Variants in QPRT observed in about 807,000 individuals in gnomAD.
QPRT encodes quinolinate phosphoribosyltransferase.
A neutral mutation model predicts 19.8 loss-of-function variants in QPRT; 17 were observed. The ratio of observed to expected loss-of-function variants is 0.86; its 90% confidence interval spans 0.59 to 1.29. The LOEUF is 1.29. Among genes scored for constraint, QPRT ranks in the 50% most tolerant of loss-of-function variants. The probability of loss-of-function intolerance (pLI) is 0.00; values close to 1 mark genes in which losing one functional copy is unlikely to be tolerated. For missense variants in QPRT, 336 were observed against 405.1 expected (o/e 0.83, Z 1.46); for synonymous variants, 178 against 191.0 (o/e 0.93, Z 0.56).
At chr16:29,682,463 C>T (rs1483718813) in intron 1 of QPRT, among the ~76,000 whole-genome samples, 2 of 152,086 alleles carry the variant, frequency 1.3e-5, no homozygotes, top group Non-Finnish European at 2.9e-5. Context: ...ACCTCTGCCT[C>T]CCAGGTTCAA....
intron 1 of QPRT, among the ~76,000 whole-genome samples, chr16:29,692,213 C>T (rs1967363514): frequency 6.6e-6 from 1 of 152,116 alleles, no homozygotes; most frequent in South Asian, 2.1e-4. Context: ...CGGGCTATGC[C>T]TACCGCGCGA....
At chr16:29,692,688 G>T (rs1967385484) in intron 1 of QPRT, among the ~76,000 whole-genome samples, 2 of 152,132 alleles carry the variant, frequency 1.3e-5, no homozygotes, top group Non-Finnish European at 2.9e-5. Flanking sequence ...CGCCGAGATC[G>T]CGCCTCTGCA....
At position 29,697,555 on chromosome 16, in the gene QPRT, C is replaced by T. The variant is rs1450563778; in HGVS notation, c.*144C>T. 5.0e-6 allele frequency: 4 copies of T among 802,366 alleles called. No homozygotes were observed. Among genetic ancestry groups the T allele is most frequent in the Non-Finnish European group, 1.9e-6 (1 of 518,688 alleles). The allele number at this position is 802,366 out of a possible 1,614,324, so 49.7% of individuals were successfully genotyped here. On this transcript the variant is annotated 3_prime_UTR_variant, in exon 4 of 4. Coordinates refer to ENST00000395384, the MANE Select transcript of QPRT (RefSeq NM_014298.6). This position sits in a 1 kb window ranked among gnomAD's most constrained non-coding sequence, Gnocchi z 4.4. ...AACTCTGGCTCTGCCACCTGCTGCT[C>T]CTGTGACCTGTCAGGGCTGACTTCA...
In QPRT at chr16:29,697,537, G is replaced by T; in HGVS notation, c.*126G>T. The T allele has an allele frequency of 1.0e-6, 1 of 984,938 alleles. No individual in the cohort carries two copies. The highest frequency in any genetic ancestry group is 1.5e-6 in the Non-Finnish European group (1 of 682,308). The allele number at this position is 984,938 out of a possible 1,614,324, so 61.0% of individuals were successfully genotyped here. On this transcript the variant is annotated 3_prime_UTR_variant, in exon 4 of 4. Coordinates refer to ENST00000395384, the MANE Select transcript of QPRT (RefSeq NM_014298.6). The surrounding 1 kb of genome is among the most constrained non-coding windows in gnomAD (Gnocchi z 4.4). Reference sequence around the variant, plus strand: ...TGGCACTAGCTTGAGCCCAACTCTGGCTCTGCCACCTGCTGCTCCTGTGAC... The same window carrying T: ...TGGCACTAGCTTGAGCCCAACTCTGTCTCTGCCACCTGCTGCTCCTGTGAC...
At chr16:29,687,015 A>G (rs1192787372) in intron 1 of QPRT, among the ~76,000 whole-genome samples, 2 of 152,238 alleles carry the variant, frequency 1.3e-5, no homozygotes, top group Non-Finnish European at 2.9e-5. Flanking sequence ...GTCAGGCTTT[A>G]GCCTATGCTG....
chr16:29,680,944 A>T (rs1390315406), intron 1 of QPRT, among the ~76,000 whole-genome samples: 1 of 152,064 alleles, frequency 6.6e-6, no homozygotes, highest in Non-Finnish European at 1.5e-5. Flanking sequence ...CCATCTCAAA[A>T]AAAAAGGAAA....
chr16:29,697,131 A>T lies in QPRT; in HGVS notation c.681+4A>T. On this transcript the variant is annotated splice_donor_region_variant and intron_variant, in intron 3 of 3. Coordinates refer to ENST00000395384, the MANE Select transcript of QPRT (RefSeq NM_014298.6). The surrounding 1 kb of genome is among the most constrained non-coding windows in gnomAD (Gnocchi z 4.4). Reference sequence around the variant, plus strand: ...GCTGGACAACTTCAAGCCAGAGGTAAGGTGGGCTCTGCCTCCGGGGAGGGA... The same window carrying T: ...GCTGGACAACTTCAAGCCAGAGGTATGGTGGGCTCTGCCTCCGGGGAGGGA... 1 of 1,601,762 alleles carries T rather than the reference A, an allele frequency of 6.2e-7. No homozygotes were observed. The highest frequency in any genetic ancestry group is 8.5e-7 in the Non-Finnish European group (1 of 1,170,934).
chr16:29,695,243 A>ACCCCTCCCCT, intron 2 of QPRT, 44 bp downstream of exon 2: 1 of 1,472,160 alleles, frequency 6.8e-7, no homozygotes, highest in Non-Finnish European at 9.0e-7. Context: ...CCCTCAGCAC[A>ACCCCTCCCCT]CCCCTCCCCT....
chr16:29,683,027 CTTT>C (rs1427797545), intron 1 of QPRT, among the ~76,000 whole-genome samples: 1 of 136,234 alleles, frequency 7.3e-6, no homozygotes. Flanking sequence ...CTGACTGATT[CTTT>C]TTTTTTTTTT....
chr16:29,691,975 A>T (rs1967352698), intron 1 of QPRT, among the ~76,000 whole-genome samples: 1 of 152,170 alleles, frequency 6.6e-6, no homozygotes, highest in Admixed American at 6.5e-5. Context: ...TCTGGCCTTC[A>T]CTTCCACTTG....
chr16:29,680,706 T>C (rs1329777243), intron 1 of QPRT, among the ~76,000 whole-genome samples: 4 of 152,064 alleles, frequency 2.6e-5, no homozygotes. Context: ...TTTGGGAGGC[T>C]GAGGTGGGTG....
At chr16:29,680,308 C>T (rs1966961177) in intron 1 of QPRT, among the ~76,000 whole-genome samples, 4 of 152,162 alleles carry the variant, frequency 2.6e-5, no homozygotes, top group African/African-American at 9.6e-5. Flanking sequence ...GTGGGTTTTA[C>T]AAGGAGCCAG....
intron 1 of QPRT, among the ~76,000 whole-genome samples, chr16:29,688,151 G>C (rs1317008548): frequency 1.3e-5 from 2 of 151,754 alleles, no homozygotes; most frequent in African/African-American, 4.8e-5. Context: ...TCTACACCAT[G>C]GGGGTTATAG....
chr16:29,688,779 T>A (rs1353946086), intron 1 of QPRT, among the ~76,000 whole-genome samples: 1 of 149,760 alleles, frequency 6.7e-6, no homozygotes, highest in African/African-American at 2.5e-5. Flanking sequence ...TTGTTTTTAT[T>A]CTCTTTTTTT....
intron 1 of QPRT, among the ~76,000 whole-genome samples, chr16:29,679,862 A>C (rs1261458515): frequency 6.6e-6 from 1 of 151,952 alleles, no homozygotes; most frequent in Non-Finnish European, 1.5e-5. Context: ...GAAACGGTGA[A>C]GGTGGGGGTG....
chr16:29,695,460 C>T (rs1967502290), intron 2 of QPRT, among the ~76,000 whole-genome samples: 1 of 150,754 alleles, frequency 6.6e-6, no homozygotes. Context: ...TACAGGCATG[C>T]TCCACCCCAC....
chr16:29,687,707 G>A (rs1446280947), intron 1 of QPRT, among the ~76,000 whole-genome samples: 7 of 151,866 alleles, frequency 4.6e-5, no homozygotes, highest in South Asian at 2.1e-4. Context: ...GCCAAAGCTC[G>A]GGGGTCCATC....
In QPRT at chr16:29,697,419, C is replaced by T. The variant is rs1173866289; in HGVS notation, c.*8C>T. The T allele has an allele frequency of 6.2e-7, 1 of 1,606,032 alleles. No individual in the cohort carries two copies. The highest frequency in any genetic ancestry group is 1.1e-5 in the South Asian group (1 of 90,896). ...GTGCCCAAAATCCACTAGTCCTAAACCGGAAGAGGATGACACCGGCCATGG... is the reference window on the plus strand; with the variant it reads ...GTGCCCAAAATCCACTAGTCCTAAATCGGAAGAGGATGACACCGGCCATGG... On this transcript the variant is annotated 3_prime_UTR_variant, in exon 4 of 4. Coordinates refer to ENST00000395384, the MANE Select transcript of QPRT (RefSeq NM_014298.6). This position sits in a 1 kb window ranked among gnomAD's most constrained non-coding sequence, Gnocchi z 4.4.
At chr16:29,686,934 C>A (rs931211254) in intron 1 of QPRT, among the ~76,000 whole-genome samples, 4 of 152,232 alleles carry the variant, frequency 2.6e-5, no homozygotes, top group African/African-American at 9.6e-5. Context: ...TCATTGAGCA[C>A]CTGCACTGTG....
Sources: gnomAD v4.1 joint callset for allele counts (sites outside exome capture counted in the v4.1 genomes callset) on GRCh38, gnomAD v4.1.1 for gene constraint, Gnocchi (gnomAD v3.1) non-coding constraint, MANE v1.5 for transcripts, NCBI Gene and HGNC (gene_info 2026-07-23, HGNC 2026-07-21) for gene names.